Variants in UTRN observed in about 807,000 individuals in gnomAD.
The protein encoded by UTRN is utrophin.
UTRN carries 283 observed loss-of-function variants against 463.9 expected under a neutral mutation model. The ratio of observed to expected loss-of-function variants is 0.61; its 90% CI spans 0.55 to 0.67. The LOEUF (loss-of-function observed/expected upper bound fraction) is 0.67, where lower values mean the gene tolerates loss of function less well. Among genes scored for constraint, UTRN ranks in the 30% least tolerant of loss-of-function variants. UTRN has a pLI of 0.00. For missense variants in UTRN, 3,922 were observed against 4,084.3 expected, an observed-to-expected ratio of 0.96 and a Z score of 1.08; for synonymous variants, 1,442 against 1,431.5, an observed-to-expected ratio of 1.01 and a Z score of -0.17.
intron 51 of UTRN, among the ~76,000 whole-genome samples, chr6:144,665,735 G>A (rs1040450110): frequency 2.6e-5 from 4 of 152,212 alleles, no homozygotes; most frequent in African/African-American, 9.6e-5. Context: ...GGGCTGTTCT[G>A]AGGGTTTGCA....
rs78085291 is a variant in UTRN, at chr6:144,362,515, G to A, written c.80-40608G>A. ...TGTGACCTGGAGTGACCCAGAGTGA[G>A]TGCTGGCCAGCATAGGTTTCACATT... On this transcript the variant is annotated intron_variant, in intron 2 of 74. Transcript: ENST00000367545. Among the ~76,000 whole-genome samples the A allele has an allele frequency of 8.4e-3, 1,285 of 152,306 alleles. 19 individuals are homozygous for A. The highest frequency in any genetic ancestry group is 0.029 in the African/African-American group (1,192 of 41,548).
chr6:144,570,819 C>T (rs549304266), intron 50 of UTRN, among the ~76,000 whole-genome samples: 13 of 152,294 alleles, frequency 8.5e-5, no homozygotes, highest in South Asian at 8.3e-4. Context: ...TACCTCCCCT[C>T]GTAGCCTTGT....
intron 23 of UTRN, among the ~76,000 whole-genome samples, chr6:144,465,441 C>T (rs1789853237): frequency 6.6e-6 from 1 of 152,116 alleles, no homozygotes; most frequent in Non-Finnish European, 1.5e-5. Flanking sequence ...TTAAAAATAT[C>T]CAACATCAAG....
At position 144,836,352 on chromosome 6, in the gene UTRN, G is replaced by T. The variant is rs200552592; in HGVS notation, c.9876G>T (p.Gly3292=). The change falls in exon 71 of 75, where the codon GGG becomes GGT. Residue 3292 remains glycine (G), a synonymous_variant. Transcript: ENST00000367545. ...EQLKDQHLRR[G]LPVGSPPESI... is the part of the protein sequence containing the mutation. ...TGAAGGACCAGCACCTCCGAAGGGG[G>T]CTCCCTGTCGGTTCACCGCCAGAGT... The T allele has an allele frequency of 8.1e-6, 13 of 1,614,090 alleles. No individual in the cohort carries two copies. In the East Asian group the frequency reaches 2.7e-4, roughly 33 times the overall value.
At chr6:144,733,006 C>A (rs540656729) in intron 54 of UTRN, among the ~76,000 whole-genome samples, 1 of 152,238 alleles carries the variant, frequency 6.6e-6, no homozygotes, top group African/African-American at 2.4e-5. Flanking sequence ...CCCAGCCTAG[C>A]ATAATATTTA....
intron 65 of UTRN, among the ~76,000 whole-genome samples, chr6:144,818,983 C>T (rs1427616351): frequency 6.6e-6 from 1 of 151,910 alleles, no homozygotes. Context: ...ACAGGGTTTC[C>T]TTGAATTCTT....
intron 65 of UTRN, among the ~76,000 whole-genome samples, chr6:144,807,908 G>C (rs540598161): frequency 1.2e-4 from 18 of 152,110 alleles, no homozygotes; most frequent in African/African-American, 4.1e-4. Context: ...ATAAATACTA[G>C]TTATAGAATA....
chr6:144,577,198 G>C lies in UTRN; in HGVS notation c.7389G>C (p.Glu2463Asp), dbSNP rs761662499. 2 of 1,613,850 alleles carry C rather than the reference G, an allele frequency of 1.2e-6. No homozygotes were observed. The highest frequency in any genetic ancestry group is 1.7e-6 in the Non-Finnish European group (2 of 1,179,936). Reference protein sequence around the residue: ...ENFLKWIQEAETTVNVLVDAS... With the variant: ...ENFLKWIQEADTTVNVLVDAS... ...TCCTGAAGTGGATCCAAGAAGCAGA[G>C]ACCACAGTGAATGTGCTTGTGGATG... is the stretch of plus-strand genomic sequence containing the variant. The change falls in exon 51 of 75, where the codon GAG (glutamate) becomes GAC (aspartate). Residue 2463 changes from glutamate to aspartate, a missense_variant. Around this residue, in one of 3 missense-constraint regions of UTRN, gnomAD observed 1,309 missense variants for 1,452.6 expected, o/e 0.90. Coordinates refer to ENST00000367545, the MANE Select transcript of UTRN (RefSeq NM_007124.3).
At chr6:144,458,370 T>C (rs1474585297) in intron 19 of UTRN, among the ~76,000 whole-genome samples, 1 of 152,202 alleles carries the variant, frequency 6.6e-6, no homozygotes, top group African/African-American at 2.4e-5. Context: ...TAGCCAGCTT[T>C]CTTTTTTTCT....
At chr6:144,335,928 A>G (rs1252299701) in intron 2 of UTRN, among the ~76,000 whole-genome samples, 1 of 152,064 alleles carries the variant, frequency 6.6e-6, no homozygotes, top group Non-Finnish European at 1.5e-5. Context: ...AGTTGTCACA[A>G]GTAGATGATT....
At chr6:144,381,649 G>A (rs926522998) in intron 2 of UTRN, among the ~76,000 whole-genome samples, 1 of 152,162 alleles carries the variant, frequency 6.6e-6, no homozygotes, top group Non-Finnish European at 1.5e-5. Flanking sequence ...TAAGTCTCAC[G>A]AGAACTGATG....
intron 51 of UTRN, among the ~76,000 whole-genome samples, chr6:144,622,797 T>A (rs1367566634): frequency 1.3e-5 from 2 of 152,206 alleles, no homozygotes; most frequent in Non-Finnish European, 2.9e-5. Context: ...CAGGAAAGGA[T>A]TGTAGGAACT....
intron 34 of UTRN, among the ~76,000 whole-genome samples, chr6:144,506,706 T>G (rs770908835): frequency 2.6e-4 from 40 of 152,222 alleles, no homozygotes; most frequent in Non-Finnish European, 5.3e-4. Context: ...TTTCCTTCAT[T>G]TCAACCTTGG....
intron 52 of UTRN, among the ~76,000 whole-genome samples, chr6:144,695,060 C>T (rs1783846839): frequency 6.6e-6 from 1 of 150,938 alleles, no homozygotes; most frequent in African/African-American, 2.4e-5. Context: ...CTGTATTTCA[C>T]ATTATGCTTT....
chr6:144,528,587 C>G (rs750045661), intron 41 of UTRN, among the ~76,000 whole-genome samples: 24 of 152,320 alleles, frequency 1.6e-4, no homozygotes, highest in Middle Eastern at 3.4e-3. Flanking sequence ...CCATCCAGCA[C>G]AGCTACTGGG....
chr6:144,732,222 A>ATG (rs1482935166), intron 54 of UTRN, among the ~76,000 whole-genome samples: 1 of 43,468 alleles, frequency 2.3e-5, no homozygotes, highest in African/African-American at 1.0e-4. Flanking sequence ...TTTTATATAT[A>ATG]TATATATATA....
chr6:144,572,448 G>A (rs941008688), intron 50 of UTRN, among the ~76,000 whole-genome samples: 2 of 151,962 alleles, frequency 1.3e-5, no homozygotes, highest in African/African-American at 4.8e-5. Context: ...TGTTACATAG[G>A]TATACATGTG....
chr6:144,824,473 G>T (rs796175372), intron 66 of UTRN, among the ~76,000 whole-genome samples: 7 of 41,880 alleles, frequency 1.7e-4, no homozygotes, highest in African/African-American at 5.2e-4. Flanking sequence ...TGTATATATA[G>T]TATATATACA....
chr6:144,326,683 T>A (rs1159438431), intron 2 of UTRN, among the ~76,000 whole-genome samples: 1 of 152,212 alleles, frequency 6.6e-6, no homozygotes, highest in Non-Finnish European at 1.5e-5. Context: ...ATTTTCTGGC[T>A]GATACACCAC....
Sources: allele counts gnomAD v4.1 joint callset (sites outside exome capture counted in the v4.1 genomes callset), GRCh38; gene constraint gnomAD v4.1.1; regional missense constraint gnomAD v4.1.1; transcripts MANE v1.5; gene names NCBI Gene and HGNC (gene_info 2026-07-23, HGNC 2026-07-21).